Variants in GYG1 observed in about 807,000 individuals in gnomAD.
The protein encoded by GYG1 is glycogenin 1, also known as glycogenin-1.
Under a neutral mutation model 41.9 loss-of-function variants are expected in GYG1, and 44 were observed. The ratio of observed to expected loss-of-function variants is 1.05; its 90% CI spans 0.83 to 1.35. The LOEUF is 1.35. Ranked by LOEUF, GYG1 falls within the 40% of genes most tolerant of loss-of-function variation. GYG1 has a pLI of 0.00. For missense variants in GYG1, 429 were observed against 418.9 expected (o/e 1.02, Z -0.21); for synonymous variants, 141 against 158.1 (o/e 0.89, Z 0.81).
rs757261617 is a variant in GYG1, at chr3:148,996,481, G to A, written c.318+5G>A. Reference sequence around the variant, plus strand: ...TTCATGGATGCAGATACTCTGGTGAGTGTGGCTTTGAGGGTAGAAAAGAAA... The same window carrying A: ...TTCATGGATGCAGATACTCTGGTGAATGTGGCTTTGAGGGTAGAAAAGAAA... On this transcript the variant is annotated splice_donor_5th_base_variant and intron_variant, in intron 3 of 7. Transcript: ENST00000345003. The A allele has an allele frequency of 3.1e-6, 5 of 1,611,620 alleles. No homozygotes were observed. Among genetic ancestry groups the A allele is most frequent in the Middle Eastern group, 1.6e-4 (1 of 6,076 alleles).
intron 5 of GYG1, among the ~76,000 whole-genome samples, chr3:149,018,154 G>GA (rs1299672488): frequency 6.6e-6 from 1 of 152,084 alleles, no homozygotes; most frequent in Non-Finnish European, 1.5e-5. Context: ...GATTATGATA[G>GA]AAAATGATCT....
chr3:149,030,309 C>T lies in GYG1; in HGVS notation c.*3376C>T, dbSNP rs1437110090. On this transcript the variant is annotated 3_prime_UTR_variant, in exon 8 of 8. Transcript: ENST00000345003. ...TCCAGTGGCTTTTTTATATATTTAT[C>T]CTTCTTAGGAAGGACAAATTAAATT... 1 of 151,844 alleles carries T rather than the reference C, an allele frequency of 6.6e-6. No homozygotes were observed. Among genetic ancestry groups the T allele is most frequent in the Non-Finnish European group, 1.5e-5 (1 of 67,968 alleles). The allele number at this position is 151,844 out of a possible 1,614,324, so 9.4% of individuals were successfully genotyped here.
chr3:149,026,396 T>C, intron 6 of GYG1, 56 bp from the exon 7 acceptor site: 1 of 1,056,574 alleles, frequency 9.5e-7, no homozygotes, highest in East Asian at 2.4e-5. Context: ...GAATTTATCT[T>C]GAGACTTGTG....
At chr3:149,012,073 T>C (rs1184091813) in intron 5 of GYG1, among the ~76,000 whole-genome samples, 2 of 152,224 alleles carry the variant, frequency 1.3e-5, no homozygotes, top group African/African-American at 4.8e-5. Flanking sequence ...TGGAGACCCA[T>C]CCAGAGACAT....
chr3:149,000,997 G>A (rs1713061536), intron 4 of GYG1: 1 of 152,140 alleles, frequency 6.6e-6, no homozygotes, highest in South Asian at 2.1e-4. Flanking sequence ...ATGATTTGGT[G>A]CTACATTGTA....
rs1715064282 is a variant in GYG1, at chr3:149,031,679, A to T, written c.*4746A>T. The T allele has an allele frequency of 6.6e-6, 1 of 152,214 alleles. No individual in the cohort carries two copies. Among genetic ancestry groups the T allele is most frequent in the Non-Finnish European group, 1.5e-5 (1 of 68,014 alleles). The allele number at this position is 152,214 out of a possible 1,614,324, so 9.4% of individuals were successfully genotyped here. On this transcript the variant is annotated 3_prime_UTR_variant, in exon 8 of 8. Coordinates refer to ENST00000345003, the MANE Select transcript of GYG1 (RefSeq NM_004130.4). ...ATCTCAATGTAGCTGTAGGAAAAAT[A>T]AAAACCTGTGCTAACCTGGACTTTG...
chr3:148,997,144 G>A (rs1712850009), intron 4 of GYG1, among the ~76,000 whole-genome samples: 1 of 151,854 alleles, frequency 6.6e-6, no homozygotes, highest in Non-Finnish European at 1.5e-5. Context: ...CAATTTTATA[G>A]GATTGTCTTT....
chr3:149,009,511 C>G, intron 5 of GYG1, 109 bp downstream of exon 5: 1 of 1,104,320 alleles, frequency 9.1e-7, no homozygotes, highest in East Asian at 2.4e-5. Flanking sequence ...CAGATAGACA[C>G]TTTGAGGAAA....
At chr3:149,001,274 A>T (rs1195375034) in intron 4 of GYG1, 1 of 152,226 alleles carries the variant, frequency 6.6e-6, no homozygotes, top group Admixed American at 6.5e-5. Flanking sequence ...GTTGTTTTGG[A>T]AATGACTGTG....
intron 4 of GYG1, 58 bp from the exon 5 acceptor site, chr3:149,009,218 T>C: frequency 7.4e-7 from 1 of 1,354,816 alleles, no homozygotes; most frequent in South Asian, 1.2e-5. Context: ...TGTGCTCCTA[T>C]AAAATTATTA....
intron 5 of GYG1, among the ~76,000 whole-genome samples, chr3:149,016,031 G>A (rs912612328): frequency 2.0e-5 from 3 of 151,722 alleles, no homozygotes; most frequent in South Asian, 2.1e-4. Flanking sequence ...GAGAGGCCGC[G>A]GCAGGCAGAT....
intron 3 of GYG1, 23 bp downstream of exon 3, chr3:148,996,499 AAAAG>A (rs1409546461): frequency 6.3e-7 from 1 of 1,592,050 alleles, no homozygotes; most frequent in African/African-American, 1.3e-5. Flanking sequence ...TTGAGGGTAG[AAAAG>A]AAAGACATAT....
intron 5 of GYG1, among the ~76,000 whole-genome samples, chr3:149,018,411 T>A (rs1714186927): frequency 6.6e-6 from 1 of 152,172 alleles, no homozygotes; most frequent in South Asian, 2.1e-4. Context: ...AACCTTCATA[T>A]AAGGTGGCCA....
At chr3:148,992,042 G>A (rs752888067) in intron 1 of GYG1, among the ~76,000 whole-genome samples, 2 of 152,154 alleles carry the variant, frequency 1.3e-5, no homozygotes, top group Non-Finnish European at 2.9e-5. Context: ...GAGCTGCCCC[G>A]GCCTCTGGCG....
At chr3:149,015,984 C>T (rs780302393) in intron 5 of GYG1, among the ~76,000 whole-genome samples, 6 of 151,254 alleles carry the variant, frequency 4.0e-5, no homozygotes, top group Non-Finnish European at 5.9e-5. Flanking sequence ...CAGGACAGGC[C>T]GGGCGCAGTG....
intron 1 of GYG1, 116 bp from the exon 2 acceptor site, chr3:148,994,025 GA>G (rs1242544172): frequency 1.1e-6 from 1 of 877,418 alleles, no homozygotes; most frequent in Non-Finnish European, 1.9e-6. Context: ...GATTCATAGA[GA>G]AAGTTGATGT....
chr3:148,996,195 T>C lies in GYG1; in HGVS notation c.144-107T>C, dbSNP rs567754330. ...TACATATTCTACCAAAGCAATACAT[T>C]GTTCTAGTAATTGATGGAGAAGGTA... On this transcript the variant is annotated intron_variant, in intron 2 of 7. Transcript: ENST00000345003. 18 of 830,322 alleles carry C rather than the reference T, an allele frequency of 2.2e-5. No homozygotes were observed. In the South Asian group the frequency reaches 2.3e-4, roughly 11 times the overall value. The allele number at this position is 830,322 out of a possible 1,614,324, so 51.4% of individuals were successfully genotyped here.
At chr3:149,014,400 G>C (rs752859627) in intron 5 of GYG1, among the ~76,000 whole-genome samples, 2 of 152,154 alleles carry the variant, frequency 1.3e-5, no homozygotes, top group Non-Finnish European at 2.9e-5. Context: ...GAGTGAGATC[G>C]CATGGGCAGA....
chr3:148,992,123 C>T (rs1467985842), intron 1 of GYG1, among the ~76,000 whole-genome samples: 4 of 152,110 alleles, frequency 2.6e-5, no homozygotes, highest in South Asian at 2.1e-4. Flanking sequence ...CTCCGCCGCC[C>T]GCCCCGGCCC....
Sources: allele counts gnomAD v4.1 joint callset (sites outside exome capture counted in the v4.1 genomes callset), GRCh38; gene constraint gnomAD v4.1.1; transcripts MANE v1.5; gene names NCBI Gene and HGNC (gene_info 2026-07-23, HGNC 2026-07-21).